The following OR56A3 variants were observed in gnomAD, a reference collection of about 807,000 sequenced individuals.
OR56A3 encodes olfactory receptor 56A3.
Under a neutral mutation model 17.5 loss-of-function variants are expected in OR56A3, and 23 were observed. The observed-to-expected ratio is 1.32, with a 90% CI of 0.95 to 1.87. OR56A3 has a LOEUF of 1.87. Ranked by LOEUF, OR56A3 falls within the 40% of genes most tolerant of loss-of-function variation. The probability of loss-of-function intolerance (pLI) is 0.00; values close to 1 mark genes in which losing one functional copy is unlikely to be tolerated. For missense variants in OR56A3, 366 were observed against 380.1 expected, an observed-to-expected ratio of 0.96 and a Z score of 0.31; for synonymous variants, 175 against 150.6, an observed-to-expected ratio of 1.16 and a Z score of -1.19.
rs1441590637 is a variant in OR56A3, at chr11:5,947,451, C to T, written c.105C>T (p.Leu35=). The change falls in exon 3 of 3, where the codon CTC becomes CTT. Residue 35 remains leucine (L), a synonymous_variant. Coordinates refer to ENST00000641160, the MANE Select transcript of OR56A3 (RefSeq NM_001003443.3). The stretch of plus-strand genomic sequence containing the variant: ...GGCAGCACTGGCTGTCCCTGCCCCT[C>T]AGCCTCCTTTTCCTCTTGGCCGTAG... ...PSWQHWLSLP[L]SLLFLLAVGA... 1 of 1,614,244 alleles carries T rather than the reference C, an allele frequency of 6.2e-7. No homozygotes were observed. The highest frequency in any genetic ancestry group is 1.1e-5 in the South Asian group (1 of 91,080).
chr11:6,016,910 G>A, the OR56A3 span: 3 of 151,780 alleles, frequency 2.0e-5, no homozygotes, highest in South Asian at 2.1e-4. Flanking sequence ...AATAGACTAG[G>A]TTAAGCAGAA....
the OR56A3 span, chr11:5,994,080 C>T: frequency 4.1e-6 from 2 of 482,632 alleles, no homozygotes; most frequent in East Asian, 1.2e-4. Flanking sequence ...GCAGGGCTTC[C>T]TACTCGTGGG....
At chr11:5,987,001 G>T in the OR56A3 span, 1 of 1,408,510 alleles carries the variant, frequency 7.1e-7, no homozygotes, top group Non-Finnish European at 9.7e-7. Flanking sequence ...AGAATAAAGT[G>T]ACTTCAACTG....
chr11:5,985,916 A>T, the OR56A3 span: 1 of 1,568,382 alleles, frequency 6.4e-7, no homozygotes, highest in Non-Finnish European at 8.6e-7. Flanking sequence ...AAGCCTCCGA[A>T]GGAAACAATG....
the OR56A3 span, among the ~76,000 whole-genome samples, chr11:5,969,356 C>A: frequency 6.6e-6 from 1 of 152,220 alleles, no homozygotes; most frequent in Non-Finnish European, 1.5e-5. Context: ...TAAATCTCCT[C>A]TTCTCTCAGA....
chr11:5,969,883 TG>T, the OR56A3 span, among the ~76,000 whole-genome samples: 1 of 152,010 alleles, frequency 6.6e-6, no homozygotes, highest in East Asian at 1.9e-4. Flanking sequence ...ATGAGAAAAA[TG>T]GGCATATTTT....
At chr11:6,011,103 C>T in the OR56A3 span, among the ~76,000 whole-genome samples, 1 of 151,936 alleles carries the variant, frequency 6.6e-6, no homozygotes, top group East Asian at 1.9e-4. Flanking sequence ...GCCATAAATA[C>T]AATGTCTATC....
At chr11:6,002,076 A>G in the OR56A3 span, 5 of 1,597,570 alleles carry the variant, frequency 3.1e-6, no homozygotes, top group East Asian at 2.2e-5. Flanking sequence ...CAGGTTTTGG[A>G]TTCCCTGCTT....
At chr11:6,008,499 C>T in the OR56A3 span, among the ~76,000 whole-genome samples, 8 of 151,948 alleles carry the variant, frequency 5.3e-5, no homozygotes, top group African/African-American at 2.4e-5. Flanking sequence ...TAATTCCTCT[C>T]CACTCTCAGA....
the OR56A3 span, among the ~76,000 whole-genome samples, chr11:5,984,814 A>G: frequency 6.6e-6 from 1 of 152,174 alleles, no homozygotes; most frequent in South Asian, 2.1e-4. Flanking sequence ...CCTCCTACCA[A>G]TATGAAATCC....
chr11:5,986,582 T>C, the OR56A3 span: 1 of 1,613,758 alleles, frequency 6.2e-7, no homozygotes, highest in Admixed American at 1.7e-5. Context: ...AACATCTGGA[T>C]CAGGCAGACG....
the OR56A3 span, among the ~76,000 whole-genome samples, chr11:5,961,464 T>G: frequency 6.6e-6 from 1 of 152,192 alleles, no homozygotes; most frequent in Non-Finnish European, 1.5e-5. Context: ...CCCTGTGCTC[T>G]CTGAAACAGG....
At chr11:6,010,374 C>T in the OR56A3 span, among the ~76,000 whole-genome samples, 1 of 152,176 alleles carries the variant, frequency 6.6e-6, no homozygotes, top group African/African-American at 2.4e-5. Flanking sequence ...AACTCAATCC[C>T]TACCTAATAC....
At chr11:5,962,861 A>G in the OR56A3 span, among the ~76,000 whole-genome samples, 4 of 152,146 alleles carry the variant, frequency 2.6e-5, no homozygotes, top group African/African-American at 9.7e-5. Context: ...TACTTCTACT[A>G]CTATCTTTAT....
the OR56A3 span, chr11:5,967,625 C>T: frequency 6.2e-7 from 1 of 1,613,890 alleles, no homozygotes; most frequent in Non-Finnish European, 8.5e-7. Flanking sequence ...CAATGGGGTT[C>T]AGAGCTGGGG....
At chr11:5,953,575 A>G (rs578120425), downstream of OR56A3, among the ~76,000 whole-genome samples, 4 of 152,334 alleles carry the variant, frequency 2.6e-5, no homozygotes, top group South Asian at 8.3e-4. Context: ...GTAGAAGATC[A>G]GTAGATCTGG....
the OR56A3 span, among the ~76,000 whole-genome samples, chr11:5,963,063 CTTAT>C: frequency 6.6e-6 from 1 of 151,992 alleles, no homozygotes; most frequent in African/African-American, 2.4e-5. Context: ...CATCTCTGAT[CTTAT>C]TTAAGTCTTT....
At chr11:6,014,989 C>CAAAAAAAAAAA in the OR56A3 span, among the ~76,000 whole-genome samples, 610 of 35,196 alleles carry the variant, frequency 0.017, 139 homozygotes, top group East Asian at 0.034. Flanking sequence ...TATTCATGGG[C>CAAAAAAAAAAA]AAAAAAAAAA....
In OR56A3 at chr11:5,950,567, A is replaced by G. The variant is rs1384855857; in HGVS notation, c.*2273A>G. 6.6e-6 allele frequency: 1 copy of G among 151,922 alleles called. No homozygotes were observed. The highest frequency in any genetic ancestry group is 1.5e-5 in the Non-Finnish European group (1 of 67,880). The allele number at this position is 151,922 out of a possible 1,614,324, so 9.4% of individuals were successfully genotyped here. On this transcript the variant is annotated 3_prime_UTR_variant, in exon 3 of 3. Transcript: ENST00000641160. ...ATTTCCTCTAGAACTGTGCTGTGCA[A>G]TATGAACCACATACTTAATTTTAAA...
Sources: allele counts gnomAD v4.1 joint callset (sites outside exome capture counted in the v4.1 genomes callset), GRCh38; gene constraint gnomAD v4.1.1; transcripts MANE v1.5; gene names NCBI Gene and HGNC (gene_info 2026-07-23, HGNC 2026-07-21).